The following CD2AP variants were observed in gnomAD, a reference collection of about 807,000 sequenced individuals.
The protein encoded by CD2AP is CD2 associated protein.
Under a neutral mutation model 85.1 loss-of-function variants are expected in CD2AP, and 46 were observed. That is an observed-to-expected ratio of 0.54 (90% CI 0.43 to 0.69). The LOEUF (loss-of-function observed/expected upper bound fraction) is 0.69. Among genes scored for constraint, CD2AP ranks in the 30% least tolerant of loss-of-function variants. The probability of loss-of-function intolerance (pLI) is 0.00; values close to 1 mark genes in which losing one functional copy is unlikely to be tolerated. For synonymous variants in CD2AP, 255 were observed against 252.9 expected, an observed-to-expected ratio of 1.01 and a Z score of -0.08; for missense variants, 769 against 729.5, an observed-to-expected ratio of 1.05 and a Z score of -0.62.
At chr6:47,595,628 C>T (rs1410928267) in intron 11 of CD2AP, among the ~76,000 whole-genome samples, 1 of 151,944 alleles carries the variant, frequency 6.6e-6, no homozygotes, top group African/African-American at 2.4e-5. Context: ...TAATCGGAAG[C>T]TTATTAGTGG....
chr6:47,615,796 T>C (rs531002014), intron 17 of CD2AP, among the ~76,000 whole-genome samples: 4 of 121,500 alleles, frequency 3.3e-5, no homozygotes, highest in Non-Finnish European at 7.2e-5. Flanking sequence ...TAATTTAATT[T>C]ATTTATTTAT....
intron 5 of CD2AP, among the ~76,000 whole-genome samples, chr6:47,556,403 T>A (rs1040262469): frequency 6.6e-6 from 1 of 152,046 alleles, no homozygotes; most frequent in Non-Finnish European, 1.5e-5. Flanking sequence ...TTTTTTTTAA[T>A]TTTGTTTTTT....
intron 12 of CD2AP, 85 bp from the exon 13 acceptor site, chr6:47,599,216 A>G: frequency 8.6e-7 from 1 of 1,160,824 alleles, no homozygotes; most frequent in Non-Finnish European, 1.3e-6. Flanking sequence ...ATTAGGCCAT[A>G]CAATCTTTAA....
intron 2 of CD2AP, among the ~76,000 whole-genome samples, chr6:47,517,955 A>G (rs543567539): frequency 6.6e-6 from 1 of 152,310 alleles, no homozygotes; most frequent in South Asian, 2.1e-4. Flanking sequence ...AGCATTTTAC[A>G]TAAATAAGAT....
intron 17 of CD2AP, among the ~76,000 whole-genome samples, chr6:47,623,266 G>T (rs889195858): frequency 6.6e-6 from 1 of 152,132 alleles, no homozygotes; most frequent in Non-Finnish European, 1.5e-5. Flanking sequence ...GCTGTTTGTC[G>T]AAGCTAGCCA....
chr6:47,549,712 C>A (rs535420550), intron 4 of CD2AP, among the ~76,000 whole-genome samples: 2 of 151,956 alleles, frequency 1.3e-5, no homozygotes, highest in Non-Finnish European at 2.9e-5. Flanking sequence ...AAAAACAATT[C>A]TAAAATTCAT....
chr6:47,546,391 A>G (rs1217515589), intron 4 of CD2AP, among the ~76,000 whole-genome samples: 1 of 152,154 alleles, frequency 6.6e-6, no homozygotes, highest in Non-Finnish European at 1.5e-5. Flanking sequence ...GGCCTTCTTG[A>G]GGAAGAAGAG....
At position 47,477,817 on chromosome 6, in the gene CD2AP, G is replaced by C. The variant is rs1361459838; in HGVS notation, c.-428G>C. ...TGTCTGGGTCCCCACCTTAGTCTAC[G>C]GTGTCGCCTTTTCTAACTGCGAGTG... On this transcript the variant is annotated 5_prime_UTR_variant, in exon 1 of 18. Coordinates refer to ENST00000359314, the MANE Select transcript of CD2AP (RefSeq NM_012120.3). 1 of 222,228 alleles carries C rather than the reference G, an allele frequency of 4.5e-6. No homozygotes were observed. The highest frequency in any genetic ancestry group is 2.4e-5 in the African/African-American group (1 of 42,410). 13.8% of individuals were successfully genotyped at this position (222,228 alleles called of 1,614,324 possible).
At chr6:47,547,204 C>T (rs1216967050) in intron 4 of CD2AP, among the ~76,000 whole-genome samples, 1 of 152,138 alleles carries the variant, frequency 6.6e-6, no homozygotes, top group Non-Finnish European at 1.5e-5. Flanking sequence ...CATGTCAATA[C>T]TAATGTTGAG....
chr6:47,508,228 C>T (rs577747105), intron 2 of CD2AP, among the ~76,000 whole-genome samples: 104 of 152,340 alleles, frequency 6.8e-4, no homozygotes, highest in African/African-American at 2.4e-3. Context: ...GGTTTCATCT[C>T]CATTGAAAAT....
chr6:47,540,014 CA>C (rs34425502), intron 3 of CD2AP, among the ~76,000 whole-genome samples: 49 of 144,126 alleles, frequency 3.4e-4, no homozygotes, highest in Non-Finnish European at 4.5e-4. Flanking sequence ...CCCATCTCTA[CA>C]AAAAAAAAAA....
intron 2 of CD2AP, among the ~76,000 whole-genome samples, chr6:47,512,297 G>A (rs1050283823): frequency 1.8e-4 from 28 of 152,256 alleles, no homozygotes; most frequent in African/African-American, 6.0e-4. Flanking sequence ...AGCCGAGATC[G>A]CACCACTGCA....
At chr6:47,560,361 C>T (rs1310967549) in intron 5 of CD2AP, among the ~76,000 whole-genome samples, 1 of 151,788 alleles carries the variant, frequency 6.6e-6, no homozygotes, top group African/African-American at 2.4e-5. Context: ...CTCCATACAC[C>T]TTTTTTTTAT....
intron 5 of CD2AP, among the ~76,000 whole-genome samples, chr6:47,558,259 A>G (rs1196638018): frequency 6.6e-6 from 1 of 152,226 alleles, no homozygotes; most frequent in African/African-American, 2.4e-5. Flanking sequence ...ATATACAATC[A>G]TGTCATCTGC....
At chr6:47,521,174 C>G (rs1766580488) in intron 2 of CD2AP, among the ~76,000 whole-genome samples, 2 of 152,106 alleles carry the variant, frequency 1.3e-5, no homozygotes, top group African/African-American at 4.8e-5. Context: ...TAATGCACAT[C>G]CATAACAGTT....
chr6:47,522,801 G>A lies in CD2AP; in HGVS notation c.166-10801G>A, dbSNP rs142811784. Among the ~76,000 whole-genome samples, 494 of 151,472 alleles carry A rather than the reference G, an allele frequency of 3.3e-3. 2 individuals carry two copies. The highest frequency in any genetic ancestry group is 0.011 in the African/African-American group (466 of 41,362). ...AAAAATGTTTATTTTCAGTTTATTT[G>A]CAGATTTCCATAGTAAATATAATGT... On this transcript the variant is annotated intron_variant, in intron 2 of 17. Transcript: ENST00000359314.
chr6:47,604,009 A>AT (rs1422446375), intron 13 of CD2AP, among the ~76,000 whole-genome samples: 1 of 152,012 alleles, frequency 6.6e-6, no homozygotes, highest in East Asian at 1.9e-4. Context: ...AAGTTTCCTG[A>AT]TTCGTTTAAA....
intron 5 of CD2AP, among the ~76,000 whole-genome samples, chr6:47,569,168 C>T (rs1030636345): frequency 6.6e-6 from 1 of 152,072 alleles, no homozygotes; most frequent in African/African-American, 2.4e-5. Context: ...TTGTTTTGTT[C>T]TTTTTCTTAA....
intron 8 of CD2AP, among the ~76,000 whole-genome samples, chr6:47,578,282 C>T (rs1375787445): frequency 6.6e-6 from 1 of 152,010 alleles, no homozygotes; most frequent in Admixed American, 6.6e-5. Flanking sequence ...CTCAATGCAG[C>T]CTTGAGCTCA....
Sources: gnomAD v4.1 joint callset for allele counts (sites outside exome capture counted in the v4.1 genomes callset) on GRCh38, gnomAD v4.1.1 for gene constraint, MANE v1.5 for transcripts, NCBI Gene and HGNC (gene_info 2026-07-23, HGNC 2026-07-21) for gene names.